Variants in SRD5A2 observed in about 807,000 individuals in gnomAD.
SRD5A2 encodes steroid 5 alpha-reductase 2, also known as 3-oxo-5-alpha-steroid 4-dehydrogenase 2.
A neutral mutation model predicts 27.4 loss-of-function variants in SRD5A2; 30 were observed. The observed-to-expected ratio is 1.10, with a 90% CI of 0.82 to 1.49. The LOEUF is 1.49. SRD5A2 is among the 40% of genes most tolerant of loss of function. The probability of loss-of-function intolerance (pLI) is 0.00; values close to 1 mark genes in which losing one functional copy is unlikely to be tolerated. For synonymous variants in SRD5A2, 141 were observed against 133.6 expected, an observed-to-expected ratio of 1.06 and a Z score of -0.38; for missense variants, 348 against 323.4, an observed-to-expected ratio of 1.08 and a Z score of -0.58.
upstream of SRD5A2, among the ~76,000 whole-genome samples, chr2:31,583,816 G>A (rs753887380): frequency 1.3e-4 from 20 of 151,984 alleles, no homozygotes; most frequent in Non-Finnish European, 2.1e-4. Context: ...TGAAGGAAAA[G>A]GTTTATATCG....
intron 1 of SRD5A2, among the ~76,000 whole-genome samples, chr2:31,578,275 A>G (rs1400301763): frequency 6.6e-6 from 1 of 152,180 alleles, no homozygotes; most frequent in Non-Finnish European, 1.5e-5. Context: ...AAGAATAAAT[A>G]TAGTTTTTAA....
At chr2:31,643,996 T>A in the SRD5A2 span, among the ~76,000 whole-genome samples, 1 of 152,212 alleles carries the variant, frequency 6.6e-6, no homozygotes, top group Non-Finnish European at 1.5e-5. Flanking sequence ...CCTTAAAGAA[T>A]CTTTCATAAT....
rs1666083675 is a variant in SRD5A2 at position 31,539,235 on chromosome 2, C to T, written c.282-5469G>A. Among the ~76,000 whole-genome samples the T allele has an allele frequency of 2.0e-5, 3 of 152,220 alleles. 1 individual carries two copies. The South Asian group carries it at 6.2e-4, about 32-fold the overall frequency. ...ACAAAGCAGTGTGTTCCTGGATTTT[C>T]ATTTTGCCTCATATATTCCAGATTT... is the stretch of plus-strand genomic sequence containing the variant. On this transcript the variant is annotated intron_variant, in intron 1 of 4. Transcript: ENST00000622030.
chr2:31,545,974 CAAAT>C (rs1304261418), intron 1 of SRD5A2, among the ~76,000 whole-genome samples: 2 of 151,956 alleles, frequency 1.3e-5, no homozygotes, highest in South Asian at 2.1e-4. Context: ...AGCATCAAAA[CAAAT>C]AAAATACTTA....
chr2:31,626,508 C>G, the SRD5A2 span, among the ~76,000 whole-genome samples: 1 of 152,050 alleles, frequency 6.6e-6, no homozygotes, highest in Non-Finnish European at 1.5e-5. Context: ...ATGAATATCT[C>G]TTATTATTTT....
the SRD5A2 span, among the ~76,000 whole-genome samples, chr2:31,606,314 CA>C: frequency 6.6e-6 from 1 of 151,976 alleles, no homozygotes; most frequent in Admixed American, 6.6e-5. Flanking sequence ...GTTTGTAACA[CA>C]AGGCATAAAT....
intron 1 of SRD5A2, among the ~76,000 whole-genome samples, chr2:31,538,959 G>A (rs549576390): frequency 3.2e-4 from 48 of 152,312 alleles, no homozygotes; most frequent in African/African-American, 1.1e-3. Flanking sequence ...AATGAATTTT[G>A]AATGAAAGAG....
chr2:31,658,091 C>T, the SRD5A2 span, among the ~76,000 whole-genome samples: 1 of 152,020 alleles, frequency 6.6e-6, no homozygotes, highest in Admixed American at 6.6e-5. Context: ...AAGATAAAAC[C>T]ACACAACATA....
the SRD5A2 span, among the ~76,000 whole-genome samples, chr2:31,628,192 T>C: frequency 6.6e-6 from 1 of 152,170 alleles, no homozygotes; most frequent in East Asian, 1.9e-4. Context: ...TAGGTAGGTC[T>C]TCTTGTTGAA....
intron 1 of SRD5A2, among the ~76,000 whole-genome samples, chr2:31,547,540 C>A (rs1467621962): frequency 1.3e-5 from 2 of 152,186 alleles, no homozygotes; most frequent in African/African-American, 4.8e-5. Flanking sequence ...GAATTCATTT[C>A]TTCTACCCTT....
At chr2:31,644,829 A>C in the SRD5A2 span, among the ~76,000 whole-genome samples, 1 of 152,222 alleles carries the variant, frequency 6.6e-6, no homozygotes, top group Non-Finnish European at 1.5e-5. Flanking sequence ...GTTCCTAGGA[A>C]ATACACACTG....
At chr2:31,650,951 G>T in the SRD5A2 span, among the ~76,000 whole-genome samples, 1 of 152,170 alleles carries the variant, frequency 6.6e-6, no homozygotes, top group Non-Finnish European at 1.5e-5. Flanking sequence ...ATAATAATGA[G>T]ATTTGTGGGC....
chr2:31,538,725 CT>C (rs1666074045), intron 1 of SRD5A2, among the ~76,000 whole-genome samples: 1 of 152,184 alleles, frequency 6.6e-6, no homozygotes, highest in African/African-American at 2.4e-5. Flanking sequence ...CCCTGACCAC[CT>C]TATGTAAAAT....
chr2:31,535,116 G>A (rs1471844434), intron 1 of SRD5A2, among the ~76,000 whole-genome samples: 2 of 151,840 alleles, frequency 1.3e-5, no homozygotes, highest in African/African-American at 4.8e-5. Flanking sequence ...CCACCTCCAG[G>A]GTTCAAGCAA....
intron 1 of SRD5A2, among the ~76,000 whole-genome samples, chr2:31,548,018 A>T (rs1473897414): frequency 1.3e-5 from 2 of 152,184 alleles, no homozygotes; most frequent in Non-Finnish European, 2.9e-5. Context: ...TCAGCAAATC[A>T]TGCTGGGAAA....
At chr2:31,645,130 T>C in the SRD5A2 span, among the ~76,000 whole-genome samples, 2 of 152,140 alleles carry the variant, frequency 1.3e-5, no homozygotes, top group African/African-American at 2.4e-5. Flanking sequence ...TACCACAACA[T>C]TTTGAGCCAC....
At chr2:31,556,496 C>T (rs1314614236) in intron 1 of SRD5A2, among the ~76,000 whole-genome samples, 6 of 152,188 alleles carry the variant, frequency 3.9e-5, no homozygotes, top group Admixed American at 3.3e-4. Flanking sequence ...GTATAATCCA[C>T]GTGGGCCCTA....
the SRD5A2 span, among the ~76,000 whole-genome samples, chr2:31,641,553 T>C: frequency 0.019 from 2,841 of 152,262 alleles, 56 homozygotes; most frequent in African/African-American, 0.04. Flanking sequence ...CAATATCTCT[T>C]ATAAAAATCT....
At chr2:31,625,902 T>G in the SRD5A2 span, among the ~76,000 whole-genome samples, 3 of 152,162 alleles carry the variant, frequency 2.0e-5, no homozygotes, top group Admixed American at 6.5e-5. Context: ...GTGAAGAAAG[T>G]CATTGGTAGC....
Sources: allele counts gnomAD v4.1 joint callset (sites outside exome capture counted in the v4.1 genomes callset), GRCh38; gene constraint gnomAD v4.1.1; transcripts MANE v1.5; gene names NCBI Gene and HGNC (gene_info 2026-07-23, HGNC 2026-07-21).